Variants in HERC3 observed in about 807,000 individuals in gnomAD.
HERC3 encodes the protein probable E3 ubiquitin-protein ligase HERC3.
In HERC3, 58 loss-of-function variants were observed where a neutral mutation model predicts 129.9. That is an observed-to-expected ratio of 0.45 (90% CI 0.36 to 0.56). The LOEUF (loss-of-function observed/expected upper bound fraction) is 0.56. HERC3 is among the 20% of genes least tolerant of loss of function. The pLI, the probability that HERC3 is intolerant of heterozygous loss-of-function variation, is 0.00. For synonymous variants in HERC3, 430 were observed against 451.0 expected (o/e 0.95, Z 0.59); for missense variants, 835 against 1,244.2 (o/e 0.67, Z 4.95).
At chr4:88,698,259 A>C (rs1055502352) in intron 23 of HERC3, among the ~76,000 whole-genome samples, 1 of 152,186 alleles carries the variant, frequency 6.6e-6, no homozygotes, top group African/African-American at 2.4e-5. Context: ...CTCTCCATGC[A>C]GTGGAGGAAC....
intron 2 of HERC3, among the ~76,000 whole-genome samples, chr4:88,600,169 A>G (rs575321448): frequency 2.6e-5 from 4 of 152,324 alleles, no homozygotes; most frequent in Admixed American, 2.6e-4. Context: ...CATTATTAAT[A>G]TTATCAGTCA....
chr4:88,525,427 G>A, the HERC3 span, among the ~76,000 whole-genome samples: 1 of 152,346 alleles, frequency 6.6e-6, no homozygotes, highest in East Asian at 1.9e-4. Flanking sequence ...AGGAGAAACA[G>A]CGCTTGACTT....
the HERC3 span, among the ~76,000 whole-genome samples, chr4:88,567,020 C>G: frequency 6.6e-6 from 1 of 152,134 alleles, no homozygotes; most frequent in Non-Finnish European, 1.5e-5. Flanking sequence ...AACTCTTGGA[C>G]TCAAGTGATT....
the HERC3 span, among the ~76,000 whole-genome samples, chr4:88,560,702 G>A: frequency 6.6e-6 from 1 of 152,028 alleles, no homozygotes; most frequent in Non-Finnish European, 1.5e-5. Flanking sequence ...TCTCATGTAG[G>A]AGTTTTATAG....
chr4:88,550,016 G>A, the HERC3 span, among the ~76,000 whole-genome samples: 222 of 152,290 alleles, frequency 1.5e-3, no homozygotes, highest in African/African-American at 5.2e-3. Context: ...AGCAGGGAAG[G>A]GGAATGGGGT....
rs79577737 is a variant in HERC3 at position 88,704,484 on chromosome 4, T to C, written c.2842-24T>C. 1,202 of 1,482,076 alleles carry C rather than the reference T, an allele frequency of 8.1e-4. 17 individuals are homozygous for C. The African/African-American group carries it at 0.015, about 18-fold the overall frequency. 91.8% of individuals were successfully genotyped at this position (1,482,076 alleles called of 1,614,324 possible). ...ATAATATTCTTCCAAGATACATTTT[T>C]TTCTTTTTCTCTTTTTTGGACAGAC... On this transcript the variant is annotated intron_variant, in intron 24 of 25. Coordinates refer to ENST00000402738, the MANE Select transcript of HERC3 (RefSeq NM_014606.3).
chr4:88,613,694 G>A (rs1245867625), intron 3 of HERC3, among the ~76,000 whole-genome samples: 1 of 152,158 alleles, frequency 6.6e-6, no homozygotes, highest in African/African-American at 2.4e-5. Context: ...TGGGCATAAC[G>A]CTGATATAAA....
chr4:88,635,161 T>C (rs2972022), intron 3 of HERC3, among the ~76,000 whole-genome samples: 8,039 of 151,834 alleles, frequency 0.053, 563 homozygotes, highest in East Asian at 0.27. Context: ...GATGGATGAA[T>C]TGACAAAAAC....
chr4:88,635,967 C>T (rs879553098), intron 3 of HERC3, among the ~76,000 whole-genome samples: 1 of 152,150 alleles, frequency 6.6e-6, no homozygotes, highest in African/African-American at 2.4e-5. Context: ...TTTGCCACCA[C>T]CAGGACTGCC....
the HERC3 span, among the ~76,000 whole-genome samples, chr4:88,563,931 T>G: frequency 6.6e-6 from 1 of 152,210 alleles, no homozygotes; most frequent in Non-Finnish European, 1.5e-5. Flanking sequence ...GTGCTGGGAT[T>G]ACAGGCGTGA....
the HERC3 span, chr4:88,583,595 T>A: frequency 6.6e-6 from 1 of 152,250 alleles, no homozygotes; most frequent in Non-Finnish European, 1.5e-5. Context: ...AAGGCTTATA[T>A]AAGTTTAATC....
chr4:88,638,090 C>A lies in HERC3; in HGVS notation c.227-11750C>A, dbSNP rs567629926. Among the ~76,000 whole-genome samples, 4 of 152,252 alleles carry A rather than the reference C, an allele frequency of 2.6e-5. No individual in the cohort carries two copies. The East Asian group carries it at 5.8e-4, about 22-fold the overall frequency. ...GCAGTAACCAGTTATGAAATTGAGT[C>A]AGTAATAGATACCCTACTAACTAAA... On this transcript the variant is annotated intron_variant, in intron 3 of 25. Transcript: ENST00000402738.
At chr4:88,642,595 C>T (rs886283114) in intron 3 of HERC3, among the ~76,000 whole-genome samples, 4 of 152,174 alleles carry the variant, frequency 2.6e-5, no homozygotes, top group Admixed American at 6.5e-5. Flanking sequence ...TGGTGTCTGC[C>T]GAGCACTGTC....
Position 88,652,019 on chromosome 4 carries a change from C to T in HERC3, c.394C>T (p.Gln132Ter). Residue 132 changes from glutamine to a stop codon, truncating the protein, a stop_gained, in exon 5 of 26, where the codon CAA (glutamine) becomes TAA (stop). Transcript: ENST00000402738. LOFTEE classifies it high-confidence loss of function. ...AAGCCTTTTCTGTTTTAGGTTAATA[C>T]AAAAGCTGAACCAGCAAACAATATT... is the stretch of plus-strand genomic sequence containing the variant. ...EDSVAVPRLI[Q>*]KLNQQTILQV... 1.9e-6 allele frequency: 3 copies of T among 1,612,502 alleles called. No individual in the cohort carries two copies. Among genetic ancestry groups the T allele is most frequent in the Non-Finnish European group, 2.5e-6 (3 of 1,178,596 alleles).
At chr4:88,700,331 C>T (rs1735209013) in intron 23 of HERC3, among the ~76,000 whole-genome samples, 1 of 152,054 alleles carries the variant, frequency 6.6e-6, no homozygotes, top group African/African-American at 2.4e-5. Context: ...CTGGGTCATA[C>T]AGTAAATGTA....
chr4:88,682,150 G>T (rs4260503), intron 21 of HERC3, among the ~76,000 whole-genome samples: 1 of 152,044 alleles, frequency 6.6e-6, no homozygotes, highest in Non-Finnish European at 1.5e-5. Flanking sequence ...GAATAATACT[G>T]CCATGAACAT....
At chr4:88,683,226 G>T (rs1483667278) in intron 21 of HERC3, among the ~76,000 whole-genome samples, 1 of 151,904 alleles carries the variant, frequency 6.6e-6, no homozygotes, top group East Asian at 1.9e-4. Flanking sequence ...TCTCTGTATT[G>T]GTTTTGGGTC....
At chr4:88,635,708 A>G (rs977606584) in intron 3 of HERC3, among the ~76,000 whole-genome samples, 8 of 152,302 alleles carry the variant, frequency 5.3e-5, no homozygotes, top group African/African-American at 1.9e-4. Flanking sequence ...CGGATTCACC[A>G]AGGTCAAAAT....
intron 1 of HERC3, among the ~76,000 whole-genome samples, chr4:88,595,117 A>G (rs1314919462): frequency 2.0e-5 from 3 of 151,264 alleles, no homozygotes; most frequent in Admixed American, 6.6e-5. Flanking sequence ...AAAAAAAAAA[A>G]AAAAAAGAAA....
Sources: gnomAD v4.1 joint callset for allele counts (sites outside exome capture counted in the v4.1 genomes callset) on GRCh38, gnomAD v4.1.1 for gene constraint, MANE v1.5 for transcripts, NCBI Gene and HGNC (gene_info 2026-07-23, HGNC 2026-07-21) for gene names.